Variants in AGO3 observed in about 807,000 individuals in gnomAD.
The protein encoded by AGO3 is argonaute RISC catalytic component 3, also known as protein argonaute-3.
A neutral mutation model predicts 105.5 loss-of-function variants in AGO3; 16 were observed. The ratio of observed to expected loss-of-function variants is 0.15; its 90% CI spans 0.10 to 0.23. The LOEUF (loss-of-function observed/expected upper bound fraction) is 0.23, where lower values mean the gene tolerates loss of function less well. AGO3 is among the 10% of genes least tolerant of loss of function. AGO3 has a pLI of 1.00. For missense variants in AGO3, 534 were observed against 1,088.0 expected, an observed-to-expected ratio of 0.49 and a Z score of 7.16; for synonymous variants, 340 against 367.3, an observed-to-expected ratio of 0.93 and a Z score of 0.85.
chr1:35,977,215 CCATAGATATATA>C (rs1442598966), intron 5 of AGO3, among the ~76,000 whole-genome samples: 1 of 144,594 alleles, frequency 6.9e-6, no homozygotes, highest in Non-Finnish European at 1.5e-5. Flanking sequence ...CTCGTGTAAC[CCATAGATATATA>C]CATCTAGTAT....
intron 17 of AGO3, among the ~76,000 whole-genome samples, chr1:36,052,962 C>CTAAA (rs202142722): frequency 0.012 from 1,768 of 151,956 alleles, 41 homozygotes; most frequent in African/African-American, 0.038. Flanking sequence ...GACCCTGTCT[C>CTAAA]TAAATAAATA....
intron 9 of AGO3, among the ~76,000 whole-genome samples, chr1:36,012,499 A>G (rs147052670): frequency 1.2e-3 from 176 of 152,180 alleles, no homozygotes; most frequent in African/African-American, 3.8e-3. Flanking sequence ...ATAACCTGTG[A>G]CTCATACTGG....
intron 2 of AGO3, among the ~76,000 whole-genome samples, chr1:35,961,800 A>T (rs1481378215): frequency 1.3e-5 from 2 of 152,192 alleles, no homozygotes; most frequent in African/African-American, 4.8e-5. Context: ...ACTTAAATAT[A>T]TGCAACCTCA....
At chr1:36,038,833 A>G (rs1027642206) in intron 14 of AGO3, among the ~76,000 whole-genome samples, 6 of 152,236 alleles carry the variant, frequency 3.9e-5, no homozygotes, top group Non-Finnish European at 7.3e-5. Context: ...ATGCAGCTCA[A>G]TAAGACTGTA....
chr1:36,025,788 A>G (rs1641473660), intron 11 of AGO3, among the ~76,000 whole-genome samples: 1 of 152,198 alleles, frequency 6.6e-6, no homozygotes, highest in Admixed American at 6.5e-5. Context: ...CTGTAATCCC[A>G]GCACTTTGGG....
At chr1:35,971,043 TA>T (rs900353024) in intron 3 of AGO3, among the ~76,000 whole-genome samples, 23 of 144,216 alleles carry the variant, frequency 1.6e-4, no homozygotes, top group South Asian at 2.1e-4. Context: ...TATATATATA[TA>T]TTTTTTATTA....
intron 2 of AGO3, among the ~76,000 whole-genome samples, chr1:35,965,942 C>T (rs993785338): frequency 6.6e-6 from 1 of 151,206 alleles, no homozygotes; most frequent in African/African-American, 2.4e-5. Flanking sequence ...TCTCCTGCCT[C>T]AGCCTCCCAA....
In AGO3 at chr1:35,993,799, G is replaced by A. The variant is rs551555653; in HGVS notation, c.659-10542G>A. Among the ~76,000 whole-genome samples the A allele has an allele frequency of 5.8e-4, 79 of 135,660 alleles. No homozygotes were observed. In the Admixed American group the frequency reaches 6.1e-3, roughly 10 times the overall value. 89.0% of individuals were successfully genotyped at this position (135,660 alleles called of 152,430 possible). On this transcript the variant is annotated intron_variant, in intron 5 of 18. Coordinates refer to ENST00000373191, the MANE Select transcript of AGO3 (RefSeq NM_024852.4). ...GTCTTGCTCTGTCGCCCAGGCTGGA[G>A]TGCAATGGTGAGATCTCTGCTCACT...
At chr1:35,963,350 T>C (rs1473481294) in intron 2 of AGO3, among the ~76,000 whole-genome samples, 1 of 151,340 alleles carries the variant, frequency 6.6e-6, no homozygotes, top group Non-Finnish European at 1.5e-5. Flanking sequence ...CAGATAAATC[T>C]TTTAAAAATA....
intron 13 of AGO3, 97 bp downstream of exon 13, chr1:36,034,430 C>A: frequency 1.2e-6 from 1 of 836,884 alleles, no homozygotes; most frequent in Non-Finnish European, 1.6e-6. Flanking sequence ...TGTAAGAGAC[C>A]CCCTTAATAA....
rs187033572 is a variant in AGO3, at chr1:36,010,582, A to G, written c.1149+988A>G. Among the ~76,000 whole-genome samples the G allele has an allele frequency of 7.8e-4, 118 of 150,836 alleles. 1 individual carries two copies. The East Asian group carries it at 0.021, about 26-fold the overall frequency. The stretch of plus-strand genomic sequence containing the variant: ...ACACCACTGCACTCCAGCCTGGACA[A>G]CAGAGTGAGACTCTGTCTCAAAAAA... On this transcript the variant is annotated intron_variant, in intron 9 of 18. Coordinates refer to ENST00000373191, the MANE Select transcript of AGO3 (RefSeq NM_024852.4).
intron 9 of AGO3, among the ~76,000 whole-genome samples, chr1:36,009,833 CAGA>C (rs760309770): frequency 1.5e-4 from 23 of 151,320 alleles, no homozygotes; most frequent in Non-Finnish European, 2.9e-4. Flanking sequence ...CAGATCCTCT[CAGA>C]AGAAATGTTT....
chr1:35,954,584 G>A (rs1646531492), intron 2 of AGO3, among the ~76,000 whole-genome samples: 2 of 152,142 alleles, frequency 1.3e-5, no homozygotes, highest in South Asian at 2.1e-4. Context: ...CAGGATATAC[G>A]GAAACTTAAA....
At chr1:35,956,959 T>C (rs1313224962) in intron 2 of AGO3, among the ~76,000 whole-genome samples, 1 of 151,884 alleles carries the variant, frequency 6.6e-6, no homozygotes, top group Non-Finnish European at 1.5e-5. Flanking sequence ...TTAAGGATCA[T>C]GATTTTCAAG....
chr1:35,997,168 A>G (rs1487038065), intron 5 of AGO3, among the ~76,000 whole-genome samples: 1 of 152,020 alleles, frequency 6.6e-6, no homozygotes, highest in African/African-American at 2.4e-5. Context: ...AATCCCAGCT[A>G]CTTGGGAGGC....
chr1:35,959,525 T>G (rs1204365725), intron 2 of AGO3, among the ~76,000 whole-genome samples: 1 of 152,206 alleles, frequency 6.6e-6, no homozygotes, highest in African/African-American at 2.4e-5. Flanking sequence ...TTTCCCAAAT[T>G]ACTTTCCCAA....
In AGO3 at chr1:36,062,477, T is replaced by C. The variant is rs1643038604; in HGVS notation, c.*6732T>C. On this transcript the variant is annotated 3_prime_UTR_variant, in exon 19 of 19. Coordinates refer to ENST00000373191, the MANE Select transcript of AGO3 (RefSeq NM_024852.4). ...AAGGAATATTTTAAATGATTTTTTA[T>C]TTTTTCTAGGATGCAGGAACTATGA... The C allele has an allele frequency of 2.6e-5, 4 of 152,208 alleles. No homozygotes were observed. The South Asian group carries it at 8.3e-4, about 32-fold the overall frequency. The allele number at this position is 152,208 out of a possible 1,614,324, so 9.4% of individuals were successfully genotyped here. A position where few individuals can be genotyped will look rare whatever the true frequency, so the allele number is the denominator to read the frequency against.
rs899535887 is a variant in AGO3, at chr1:36,068,207, A to G, written c.*12462A>G. 7.2e-5 allele frequency: 11 copies of G among 152,240 alleles called. No individual in the cohort carries two copies. The highest frequency in any genetic ancestry group is 2.7e-4 in the African/African-American group (11 of 41,470). 9.4% of individuals were successfully genotyped at this position (152,240 alleles called of 1,614,324 possible). A position where few individuals can be genotyped will look rare whatever the true frequency, so the allele number is the denominator to read the frequency against. On this transcript the variant is annotated 3_prime_UTR_variant, in exon 19 of 19. Transcript: ENST00000373191. ...ATGATTATTACAATGTAACTTTAAC[A>G]TATATGAAGAGAAATTCTAACTCAG...
intron 1 of AGO3, among the ~76,000 whole-genome samples, chr1:35,937,573 T>C (rs56198971): frequency 0.24 from 35,778 of 151,650 alleles, 6,916 homozygotes; most frequent in East Asian, 0.69. Context: ...CACCTGTAAT[T>C]CAGCCACTTG....
Sources: allele counts gnomAD v4.1 joint callset (sites outside exome capture counted in the v4.1 genomes callset), GRCh38; gene constraint gnomAD v4.1.1; transcripts MANE v1.5; gene names NCBI Gene and HGNC (gene_info 2026-07-23, HGNC 2026-07-21).